NEK11: variants seen among roughly 807,000 people sequenced by gnomAD.
NEK11 encodes serine/threonine-protein kinase Nek11.
A neutral mutation model predicts 80.7 loss-of-function variants in NEK11; 72 were observed. The observed-to-expected ratio is 0.89, with a 90% CI of 0.74 to 1.08. The LOEUF (loss-of-function observed/expected upper bound fraction) is 1.08, where lower values mean the gene tolerates loss of function less well. Among genes scored for constraint, NEK11 ranks in the 50% least tolerant of loss-of-function variants. NEK11 has a pLI of 0.00. For synonymous variants in NEK11, 251 were observed against 260.7 expected (o/e 0.96, Z 0.36); for missense variants, 764 against 763.6 (o/e 1.00, Z -0.01).
intron 14 of NEK11, among the ~76,000 whole-genome samples, chr3:131,181,682 CT>C (rs2093356492): frequency 1.5e-5 from 2 of 136,008 alleles, no homozygotes; most frequent in Non-Finnish European, 3.0e-5. Context: ...GGAGGCAGAA[CT>C]TGCAGTGAGC....
chr3:131,060,431 C>A (rs1010335127), intron 3 of NEK11, among the ~76,000 whole-genome samples: 2 of 152,186 alleles, frequency 1.3e-5, no homozygotes. Context: ...GTTTATCTGG[C>A]AAAACATTCT....
At position 131,265,122 on chromosome 3, in the gene NEK11, G is replaced by A. The variant is rs531357667; in HGVS notation, c.1622-8356G>A. Among the ~76,000 whole-genome samples the A allele has an allele frequency of 1.4e-4, 22 of 152,264 alleles. No homozygotes were observed. In the South Asian group the frequency reaches 2.7e-3, roughly 19 times the overall value. Reference sequence around the variant, plus strand: ...GCTGAAGTAGTTTTTGGGCTGAGACGAGGGGGTTTTCTAAATATAGACTCA... The same window carrying A: ...GCTGAAGTAGTTTTTGGGCTGAGACAAGGGGGTTTTCTAAATATAGACTCA... On this transcript the variant is annotated intron_variant, in intron 16 of 17. Coordinates refer to ENST00000383366, the MANE Select transcript of NEK11 (RefSeq NM_024800.5).
chr3:131,315,607 C>A (rs1207473543), intron 17 of NEK11, among the ~76,000 whole-genome samples: 1 of 151,340 alleles, frequency 6.6e-6, no homozygotes, highest in Non-Finnish European at 1.5e-5. Context: ...AGGTTTGTTA[C>A]ACAGGTAAAC....
intron 14 of NEK11, among the ~76,000 whole-genome samples, chr3:131,215,061 C>T (rs1046082028): frequency 7.2e-5 from 11 of 152,204 alleles, no homozygotes; most frequent in Middle Eastern, 3.4e-3. Flanking sequence ...TGTGCACCCC[C>T]ATCCTAAGAA....
At chr3:131,255,112 G>GAAAT (rs1481704445) in intron 16 of NEK11, among the ~76,000 whole-genome samples, 2 of 150,444 alleles carry the variant, frequency 1.3e-5, no homozygotes, top group Non-Finnish European at 3.0e-5. Flanking sequence ...AAGAAAGAAA[G>GAAAT]AAAGAAAGAA....
chr3:131,228,368 A>G (rs1389695289), intron 14 of NEK11, among the ~76,000 whole-genome samples, 160 bp from the exon 15 acceptor site: 1 of 152,170 alleles, frequency 6.6e-6, no homozygotes, highest in Non-Finnish European at 1.5e-5. Flanking sequence ...TGTTTATTAC[A>G]TTCAACCAAA....
At chr3:131,273,172 T>C (rs1236320133) in intron 16 of NEK11, among the ~76,000 whole-genome samples, 2 of 152,218 alleles carry the variant, frequency 1.3e-5, no homozygotes, top group Non-Finnish European at 2.9e-5. Context: ...TTTCTATAGA[T>C]ACATTTCCCC....
chr3:131,173,142 G>A (rs1483520672), intron 14 of NEK11, among the ~76,000 whole-genome samples: 1 of 152,060 alleles, frequency 6.6e-6, no homozygotes, highest in African/African-American at 2.4e-5. Context: ...CTATTCAGTC[G>A]AGCAGCTCAT....
At chr3:131,142,353 A>T (rs2087118414) in intron 7 of NEK11, among the ~76,000 whole-genome samples, 1 of 152,188 alleles carries the variant, frequency 6.6e-6, no homozygotes, top group African/African-American at 2.4e-5. Flanking sequence ...TAGGGAGAAG[A>T]TTGGTGGAGA....
chr3:131,288,004 C>A (rs901435318), intron 17 of NEK11, among the ~76,000 whole-genome samples: 8 of 152,166 alleles, frequency 5.3e-5, no homozygotes, highest in African/African-American at 1.9e-4. Flanking sequence ...GGCAAAAATT[C>A]ATATTCATAA....
chr3:131,211,900 G>A (rs2094632595), intron 14 of NEK11, among the ~76,000 whole-genome samples: 1 of 152,004 alleles, frequency 6.6e-6, no homozygotes, highest in African/African-American at 2.4e-5. Context: ...TAGCTTCCTG[G>A]GTTCGAACAT....
chr3:131,080,524 T>C lies in NEK11; in HGVS notation c.272T>C (p.Ile91Thr), dbSNP rs1277992710. The C allele has an allele frequency of 6.2e-7, 1 of 1,614,128 alleles. No individual in the cohort carries two copies. The highest frequency in any genetic ancestry group is 1.1e-5 in the South Asian group (1 of 91,072). ...CTCTCCAAGCTGGACCACCCAGCCA[T>C]TGTCAAGTTCCATGCAAGTTTTGTG... ...QLLSKLDHPA[I>T]VKFHASFVEQ... The change falls in exon 4 of 18, where the codon ATT (isoleucine) becomes ACT (threonine). Residue 91 changes from isoleucine to threonine, a missense_variant. Physicochemically the swap from Ile to Thr is moderately conservative, Grantham distance 89 (BLOSUM62 -1). Transcript: ENST00000383366.
intron 16 of NEK11, among the ~76,000 whole-genome samples, chr3:131,254,236 C>CT (rs1196658531): frequency 6.6e-6 from 1 of 152,196 alleles, no homozygotes; most frequent in African/African-American, 2.4e-5. Flanking sequence ...TCCCTTCTCT[C>CT]TTCCAATGAA....
intron 7 of NEK11, among the ~76,000 whole-genome samples, chr3:131,151,733 A>T (rs2089683319): frequency 2.6e-5 from 4 of 152,030 alleles, no homozygotes. Flanking sequence ...GTTATTTAAA[A>T]TATTTTCCGG....
rs150643823 is a variant in NEK11, at chr3:131,269,278, A to C, written c.1622-4200A>C. Among the ~76,000 whole-genome samples, 453 of 152,156 alleles carry C rather than the reference A, an allele frequency of 3.0e-3. 9 individuals are homozygous for C. The highest frequency in any genetic ancestry group is 0.017 in the Admixed American group (266 of 15,292). Reference sequence around the variant, plus strand: ...AGCCCCCTTTCCAGGGAAGTGAACGATTTTGTCTCGCTGGCATTCCAGGTG... The same window carrying C: ...AGCCCCCTTTCCAGGGAAGTGAACGCTTTTGTCTCGCTGGCATTCCAGGTG... On this transcript the variant is annotated intron_variant, in intron 16 of 17. Coordinates refer to ENST00000383366, the MANE Select transcript of NEK11 (RefSeq NM_024800.5).
chr3:131,294,399 T>C (rs577682812), intron 17 of NEK11, among the ~76,000 whole-genome samples: 1 of 152,224 alleles, frequency 6.6e-6, no homozygotes, highest in South Asian at 2.1e-4. Context: ...TGATTTCTAA[T>C]TTAGTTCCAC....
At chr3:131,203,687 CATATAT>C (rs1246416495) in intron 14 of NEK11, among the ~76,000 whole-genome samples, 1 of 132,640 alleles carries the variant, frequency 7.5e-6, no homozygotes, top group African/African-American at 2.9e-5. Context: ...ACATAAAGTT[CATATAT>C]ATATGTATAT....
At chr3:131,066,946 T>C (rs2148875607) in intron 3 of NEK11, among the ~76,000 whole-genome samples, 1 of 152,252 alleles carries the variant, frequency 6.6e-6, no homozygotes, top group South Asian at 2.1e-4. Flanking sequence ...TGTCTTAATC[T>C]CTCTGTGTCT....
intron 16 of NEK11, among the ~76,000 whole-genome samples, chr3:131,253,700 G>A (rs1005004535): frequency 1.3e-5 from 2 of 152,170 alleles, no homozygotes; most frequent in African/African-American, 2.4e-5. Context: ...CATACACTGT[G>A]AATAAGGCAA....
Sources: gnomAD v4.1 joint callset for allele counts (sites outside exome capture counted in the v4.1 genomes callset) on GRCh38, gnomAD v4.1.1 for gene constraint, MANE v1.5 for transcripts, NCBI Gene and HGNC (gene_info 2026-07-23, HGNC 2026-07-21) for gene names.